AFF1: variants seen among roughly 807,000 people sequenced by gnomAD.
The protein encoded by AFF1 is ALF transcription elongation factor 1.
A neutral mutation model predicts 121.7 loss-of-function variants in AFF1; 48 were observed. The observed-to-expected ratio is 0.39, with a 90% confidence interval of 0.31 to 0.50. The LOEUF (loss-of-function observed/expected upper bound fraction) is 0.50, where lower values mean the gene tolerates loss of function less well. AFF1 is among the 20% of genes least tolerant of loss of function. The pLI, the probability that AFF1 is intolerant of heterozygous loss-of-function variation, is 0.76. For synonymous variants in AFF1, 613 were observed against 563.0 expected (o/e 1.09, Z -1.26); for missense variants, 1,523 against 1,511.7 (o/e 1.01, Z -0.12).
intron 4 of AFF1, among the ~76,000 whole-genome samples, chr4:87,079,750 A>G (rs1192028042): frequency 2.6e-5 from 4 of 152,210 alleles, no homozygotes; most frequent in African/African-American, 9.6e-5. Flanking sequence ...TAAATACCTC[A>G]TCGTGGACTC....
intron 5 of AFF1, among the ~76,000 whole-genome samples, chr4:87,089,640 C>A (rs1168698327): frequency 6.6e-6 from 1 of 152,188 alleles, no homozygotes; most frequent in East Asian, 1.9e-4. Context: ...GCTTTTCCAG[C>A]CCAACCTGTC....
At chr4:87,127,744 G>A in intron 16 of AFF1, 41 bp downstream of exon 16, 1 of 1,605,952 alleles carries the variant, frequency 6.2e-7, no homozygotes. Context: ...AATGTTTTCT[G>A]ATAGTAAAAA....
chr4:87,115,609 C>CTTTTTTTTTTTTTTTTTTTTT lies in AFF1; in HGVS notation c.2466+326_2466+327insTTTTTTTTTTTTTTTTTTTTT. The stretch of plus-strand genomic sequence containing the variant: ...ATCTAGGGCCGCCCCCAACCCACCT[C>CTTTTTTTTTTTTTTTTTTTTT]TTTTTTTTTTTTTTTTCCAAAGACA... On this transcript the variant is annotated intron_variant, in intron 12 of 20. Coordinates refer to ENST00000395146, the MANE Select transcript of AFF1 (RefSeq NM_001166693.3). Among the ~76,000 whole-genome samples, 2 of 40,654 alleles carry CTTTTTTTTTTTTTTTTTTTTT rather than the reference C, an allele frequency of 4.9e-5. 1 individual carries two copies. The highest frequency in any genetic ancestry group is 9.1e-5 in the Non-Finnish European group (2 of 22,090). 26.7% of individuals were successfully genotyped at this position (40,654 alleles called of 152,430 possible). A position where few individuals can be genotyped will look rare whatever the true frequency, so the allele number is the denominator to read the frequency against.
In AFF1 at chr4:86,989,539, G is replaced by A. The variant is rs182967522; in HGVS notation, c.38+40968G>A. Among the ~76,000 whole-genome samples, 3 of 152,336 alleles carry A rather than the reference G, an allele frequency of 2.0e-5. No homozygotes were observed. The East Asian group carries it at 5.8e-4, about 29-fold the overall frequency. ...AAGTCAGGAAACAACATGCTGGAGAGGATGTGGAGAAATAGGAAAGCTTTT... is the reference window on the plus strand; with the variant it reads ...AAGTCAGGAAACAACATGCTGGAGAAGATGTGGAGAAATAGGAAAGCTTTT... On this transcript the variant is annotated intron_variant, in intron 2 of 20. Transcript: ENST00000395146.
At chr4:87,018,491 A>G (rs1196765074) in intron 2 of AFF1, among the ~76,000 whole-genome samples, 1 of 152,210 alleles carries the variant, frequency 6.6e-6, no homozygotes, top group Non-Finnish European at 1.5e-5. Context: ...TAGAATGTAC[A>G]TGGAAGTAAG....
intron 2 of AFF1, among the ~76,000 whole-genome samples, chr4:87,037,771 C>T (rs1026196993): frequency 2.0e-5 from 3 of 152,008 alleles, no homozygotes; most frequent in Non-Finnish European, 4.4e-5. Context: ...AGTGTAGAGT[C>T]GTTCTCAATT....
chr4:87,036,442 C>T (rs1002541917), intron 2 of AFF1, among the ~76,000 whole-genome samples: 7 of 152,064 alleles, frequency 4.6e-5, no homozygotes, highest in African/African-American at 1.2e-4. Context: ...GTTCTATATA[C>T]GTGCTGGCCT....
At chr4:87,019,528 C>G (rs1333733840) in intron 2 of AFF1, among the ~76,000 whole-genome samples, 1 of 152,108 alleles carries the variant, frequency 6.6e-6, no homozygotes, top group Non-Finnish European at 1.5e-5. Flanking sequence ...TTTGTCCAGT[C>G]ACATTTCTAC....
intron 4 of AFF1, among the ~76,000 whole-genome samples, chr4:87,068,359 T>G (rs1406949094): frequency 6.6e-6 from 1 of 151,042 alleles, no homozygotes; most frequent in Non-Finnish European, 1.5e-5. Context: ...TAAAGGAAAT[T>G]GTTAACTAGA....
chr4:87,011,147 C>A (rs974366689), intron 2 of AFF1, among the ~76,000 whole-genome samples: 1 of 151,786 alleles, frequency 6.6e-6, no homozygotes, highest in African/African-American at 2.4e-5. Flanking sequence ...CCCTTCTCCA[C>A]CCTGGGGCAG....
intron 19 of AFF1, 93 bp downstream of exon 19, chr4:87,132,501 C>T: frequency 7.8e-7 from 1 of 1,287,646 alleles, no homozygotes; most frequent in Admixed American, 2.9e-5. Flanking sequence ...TTACATATGT[C>T]ACTTTGCCTT....
At chr4:87,017,843 A>G (rs936115769) in intron 2 of AFF1, among the ~76,000 whole-genome samples, 1 of 152,170 alleles carries the variant, frequency 6.6e-6, no homozygotes, top group Non-Finnish European at 1.5e-5. Context: ...CTGTTGCACA[A>G]ACAAAAATGT....
intron 2 of AFF1, among the ~76,000 whole-genome samples, chr4:86,973,358 G>C (rs78951220): frequency 6.6e-6 from 1 of 152,142 alleles, no homozygotes; most frequent in African/African-American, 2.4e-5. Flanking sequence ...GTGAGGTTTC[G>C]GTGTGGTGTA....
At chr4:86,937,059 A>G (rs1720061357) in intron 1 of AFF1, among the ~76,000 whole-genome samples, 1 of 152,142 alleles carries the variant, frequency 6.6e-6, no homozygotes, top group African/African-American at 2.4e-5. Context: ...TTCTTTTTTC[A>G]AATATAACTT....
rs751254399 is a variant in AFF1, at chr4:87,126,273, C to T, written c.2748C>T (p.Asp916=). 12 of 1,614,142 alleles carry T rather than the reference C, an allele frequency of 7.4e-6. No individual in the cohort carries two copies. The East Asian group carries it at 2.5e-4, about 33-fold the overall frequency. The change falls in exon 14 of 21, where the codon GAC becomes GAT. Residue 916 remains aspartate, a synonymous_variant. Coordinates refer to ENST00000395146, the MANE Select transcript of AFF1 (RefSeq NM_001166693.3). ...SASSTKSNHK[D]SSIPKQRRVE... is the part of the protein sequence containing the mutation. ...GCAGTACCAAGAGCAACCACAAAGA[C>T]TCTTCCATTCCCAAGCAGAGAAGAG...
chr4:86,952,501 A>G (rs1027146398), intron 2 of AFF1, among the ~76,000 whole-genome samples: 1 of 152,190 alleles, frequency 6.6e-6, no homozygotes, highest in Admixed American at 6.5e-5. Flanking sequence ...AAGATGTTTT[A>G]GCTTAAAACC....
At chr4:87,001,796 G>A (rs961577591) in intron 2 of AFF1, among the ~76,000 whole-genome samples, 1 of 152,124 alleles carries the variant, frequency 6.6e-6, no homozygotes. Flanking sequence ...TGCCTTCTGG[G>A]TAATGCCTGT....
At chr4:87,030,508 C>A (rs747372878) in intron 2 of AFF1, among the ~76,000 whole-genome samples, 1 of 152,150 alleles carries the variant, frequency 6.6e-6, no homozygotes, top group Non-Finnish European at 1.5e-5. Flanking sequence ...TAAAAAAATT[C>A]TCCCCCCTTT....
intron 3 of AFF1, 90 bp from the exon 4 acceptor site, chr4:87,046,605 T>G (rs542173385): frequency 1.5e-6 from 2 of 1,361,706 alleles, no homozygotes; most frequent in East Asian, 2.3e-5. Context: ...AAGTTCGGAG[T>G]TTTTTCCTTA....
Sources: gnomAD v4.1 joint callset for allele counts (sites outside exome capture counted in the v4.1 genomes callset) on GRCh38, gnomAD v4.1.1 for gene constraint, MANE v1.5 for transcripts, NCBI Gene and HGNC (gene_info 2026-07-23, HGNC 2026-07-21) for gene names.